TASP1: variants seen among roughly 807,000 people sequenced by gnomAD.
TASP1 encodes taspase 1, also known as threonine aspartase 1.
TASP1 carries 16 observed loss-of-function variants against 56.6 expected under a neutral mutation model. The ratio of observed to expected loss-of-function variants is 0.28; its 90% CI spans 0.19 to 0.43. The LOEUF (loss-of-function observed/expected upper bound fraction) is 0.43. Ranked by LOEUF, TASP1 falls within the 20% of genes least tolerant of loss-of-function variation. The pLI is 1.00. For missense variants in TASP1, 393 were observed against 511.6 expected (o/e 0.77, Z 2.24); for synonymous variants, 179 against 184.2 (o/e 0.97, Z 0.23).
chr20:13,618,965 T>A (rs1335690749), intron 4 of TASP1, among the ~76,000 whole-genome samples: 1 of 151,704 alleles, frequency 6.6e-6, no homozygotes, highest in African/African-American at 2.4e-5. Context: ...GCCTCCTGGG[T>A]CCTGGTTCAA....
intron 10 of TASP1, among the ~76,000 whole-genome samples, chr20:13,488,285 T>C (rs1304472962): frequency 3.3e-5 from 5 of 151,660 alleles, no homozygotes; most frequent in Non-Finnish European, 7.4e-5. Context: ...AACAAGAAAA[T>C]ATTAAAAACT....
intron 6 of TASP1, among the ~76,000 whole-genome samples, chr20:13,574,921 C>T (rs901122847): frequency 1.3e-5 from 2 of 152,022 alleles, no homozygotes; most frequent in Non-Finnish European, 2.9e-5. Flanking sequence ...AAAAAAATAT[C>T]TGAAAAGATA....
chr20:13,279,851 C>G, the TASP1 span: 1 of 1,613,972 alleles, frequency 6.2e-7, no homozygotes, highest in Non-Finnish European at 8.5e-7. Context: ...TGGGACCATA[C>G]AGCCCCAGGC....
the TASP1 span, among the ~76,000 whole-genome samples, chr20:13,295,803 G>A: frequency 1.3e-5 from 2 of 152,176 alleles, no homozygotes; most frequent in African/African-American, 4.8e-5. Context: ...CCCCTACCAC[G>A]CTCAGTCATT....
intron 11 of TASP1, among the ~76,000 whole-genome samples, chr20:13,447,170 T>C (rs1158827864): frequency 6.6e-6 from 1 of 152,162 alleles, no homozygotes; most frequent in Non-Finnish European, 1.5e-5. Context: ...CTATTTTCCC[T>C]ATGGGGAAAT....
intron 12 of TASP1, among the ~76,000 whole-genome samples, chr20:13,417,731 C>A (rs909798894): frequency 3.9e-5 from 6 of 152,126 alleles, no homozygotes; most frequent in African/African-American, 1.4e-4. Flanking sequence ...TCTTTCCTGT[C>A]AAAAGTTATG....
Position 13,493,621 on chromosome 20 carries a change from C to T in TASP1, c.875-10284G>A, listed in dbSNP as rs193186415. Among the ~76,000 whole-genome samples, 671 of 152,246 alleles carry T rather than the reference C, an allele frequency of 4.4e-3. 10 individuals are homozygous for T. Among genetic ancestry groups the T allele is most frequent in the Middle Eastern group, 0.02 (6 of 294 alleles). On this transcript the variant is annotated intron_variant, in intron 10 of 13. Coordinates refer to ENST00000337743, the MANE Select transcript of TASP1 (RefSeq NM_017714.3). ...ACTGTCAGCTTCCCTGGTTTTGAGG[C>T]TTTCGGACTCAGACTGAGCCACTAC...
chr20:13,159,868 A>T, the TASP1 span: 1 of 1,225,460 alleles, frequency 8.2e-7, no homozygotes, highest in South Asian at 1.7e-5. Flanking sequence ...AACTTCAATC[A>T]TCTTCCACTT....
At position 13,534,126 on chromosome 20, in the gene TASP1, T is replaced by A; in HGVS notation, c.691A>T (p.Thr231Ser). Residue 231 changes from threonine (T) to serine (S), a missense_variant, in exon 9 of 14, where the codon ACT becomes TCT. This residue lies in a region of TASP1 where 293 missense variants were observed against 354.2 expected (regional missense o/e 0.83). Coordinates refer to ENST00000337743, the MANE Select transcript of TASP1 (RefSeq NM_017714.3). ...QSSEKENDSG[T>S]LDTVGAVVVD... is the part of the protein sequence containing the mutation. ...ACCACAGCGCCTACCGTGTCCAAAG[T>A]GCCTGAGTCATTTTCCTGCAGAGCA... 6.2e-7 allele frequency: 1 copy of A among 1,613,470 alleles called. No individual in the cohort carries two copies. The highest frequency in any genetic ancestry group is 1.3e-5 in the African/African-American group (1 of 74,984).
At chr20:13,593,147 T>C (rs2047596151) in intron 4 of TASP1, among the ~76,000 whole-genome samples, 1 of 152,144 alleles carries the variant, frequency 6.6e-6, no homozygotes, top group Non-Finnish European at 1.5e-5. Flanking sequence ...CTTAACTTAA[T>C]TAACTTAAAA....
chr20:13,422,416 T>C (rs1234377547), intron 12 of TASP1, among the ~76,000 whole-genome samples: 1 of 152,174 alleles, frequency 6.6e-6, no homozygotes, highest in Non-Finnish European at 1.5e-5. Flanking sequence ...ATTTAGCTGC[T>C]TTTCCATCTT....
chr20:13,511,600 T>A (rs2044327393), intron 10 of TASP1, among the ~76,000 whole-genome samples: 1 of 151,852 alleles, frequency 6.6e-6, no homozygotes, highest in Non-Finnish European at 1.5e-5. Context: ...GTTCCGGGTT[T>A]TTTTATTATT....
intron 8 of TASP1, among the ~76,000 whole-genome samples, chr20:13,544,992 T>C (rs1485424051): frequency 6.6e-6 from 1 of 152,126 alleles, no homozygotes; most frequent in Non-Finnish European, 1.5e-5. Context: ...AAATATTTAA[T>C]GTTGACTTAA....
chr20:13,303,115 T>C, the TASP1 span, among the ~76,000 whole-genome samples: 1 of 152,036 alleles, frequency 6.6e-6, no homozygotes, highest in East Asian at 1.9e-4. Flanking sequence ...CCCAACAAGG[T>C]TAGCTAACTT....
At chr20:13,129,664 C>A in the TASP1 span, among the ~76,000 whole-genome samples, 2 of 152,198 alleles carry the variant, frequency 1.3e-5, no homozygotes, top group Non-Finnish European at 2.9e-5. Context: ...TACATGTATG[C>A]AACTTTGCAA....
intron 11 of TASP1, among the ~76,000 whole-genome samples, chr20:13,469,675 G>T (rs891509642): frequency 6.6e-6 from 1 of 151,486 alleles, no homozygotes; most frequent in Non-Finnish European, 1.5e-5. Context: ...TGGAAATTGT[G>T]ATGGTTGTTT....
At chr20:13,387,775 C>T (rs1005751912), downstream of TASP1, among the ~76,000 whole-genome samples, 1 of 152,222 alleles carries the variant, frequency 6.6e-6, no homozygotes, top group Non-Finnish European at 1.5e-5. Flanking sequence ...TTTACATTGC[C>T]ACCAGCAGAG....
chr20:13,369,925 A>C, the TASP1 span, among the ~76,000 whole-genome samples: 1 of 152,332 alleles, frequency 6.6e-6, no homozygotes, highest in East Asian at 1.9e-4. Context: ...TATATAAAAC[A>C]AATATGAGTA....
intron 11 of TASP1, among the ~76,000 whole-genome samples, chr20:13,450,785 T>C (rs2043589110): frequency 6.6e-6 from 1 of 152,140 alleles, no homozygotes; most frequent in Admixed American, 6.6e-5. Context: ...TTTTGACCTC[T>C]TCCCATGAAT....
Sources: gnomAD v4.1 joint callset for allele counts (sites outside exome capture counted in the v4.1 genomes callset) on GRCh38, gnomAD v4.1.1 for gene constraint, gnomAD v4.1.1 regional missense constraint, MANE v1.5 for transcripts, NCBI Gene and HGNC (gene_info 2026-07-23, HGNC 2026-07-21) for gene names.